The following IVNS1ABP variants were observed in gnomAD, a reference collection of about 807,000 sequenced individuals.
The protein encoded by IVNS1ABP is influenza virus NS1A binding protein, also known as influenza virus NS1A-binding protein.
Under a neutral mutation model 78.9 loss-of-function variants are expected in IVNS1ABP, and 25 were observed. The observed-to-expected ratio is 0.32, with a 90% confidence interval of 0.23 to 0.44. IVNS1ABP has a LOEUF of 0.44. Ranked by LOEUF, IVNS1ABP falls within the 20% of genes least tolerant of loss-of-function variation. IVNS1ABP has a pLI of 1.00. For missense variants in IVNS1ABP, 494 were observed against 768.9 expected, an observed-to-expected ratio of 0.64 and a Z score of 4.23; for synonymous variants, 241 against 259.7, an observed-to-expected ratio of 0.93 and a Z score of 0.69.
intron 2 of IVNS1ABP, among the ~76,000 whole-genome samples, chr1:185,310,025 C>T (rs1390317752): frequency 6.6e-6 from 1 of 152,096 alleles, no homozygotes. Context: ...TATATATAAT[C>T]AAGATTTATA....
rs747927595 is a variant in IVNS1ABP at position 185,299,858 on chromosome 1, C to T, written c.1527G>A (p.Glu509=). ...NIRRHQSAVC[E]LGGYLYIIGG... ...CGATTATGTACAAATAACCACCAAG[C>T]TCACAGACTGCAGACTGGTGTCTCC... is the stretch of plus-strand genomic sequence containing the variant. Residue 509 remains glutamate, a synonymous_variant, in exon 14 of 15, where the codon GAG becomes GAA. Coordinates refer to ENST00000367498, the MANE Select transcript of IVNS1ABP (RefSeq NM_006469.5). 7 of 1,613,676 alleles carry T rather than the reference C, an allele frequency of 4.3e-6. 1 individual carries two copies. Among genetic ancestry groups the T allele is most frequent in the South Asian group, 2.2e-5 (2 of 91,074 alleles).
At chr1:185,299,375 G>T in intron 14 of IVNS1ABP, 1 of 316,048 alleles carries the variant, frequency 3.2e-6, no homozygotes, top group Non-Finnish European at 6.0e-6. Flanking sequence ...TTGTTTTGCA[G>T]ATCAGATTCT....
chr1:185,298,377 T>C lies in IVNS1ABP; in HGVS notation c.1676-89A>G. ...AATCTGTCTTTTGCTTAAAAATCAGTGGTTTTAAAAATAGAAATGCCTGTT... is the reference window on the plus strand; with the variant it reads ...AATCTGTCTTTTGCTTAAAAATCAGCGGTTTTAAAAATAGAAATGCCTGTT... On this transcript the variant is annotated intron_variant, in intron 14 of 14. Transcript: ENST00000367498. The surrounding 1 kb of genome is among the most constrained non-coding windows in gnomAD (Gnocchi z 4.1). 2 of 1,244,400 alleles carry C rather than the reference T, an allele frequency of 1.6e-6. No homozygotes were observed. Among genetic ancestry groups the C allele is most frequent in the Non-Finnish European group, 1.1e-6 (1 of 897,928 alleles). 77.1% of individuals were successfully genotyped at this position (1,244,400 alleles called of 1,614,324 possible). A position where few individuals can be genotyped will look rare whatever the true frequency, so the allele number is the denominator to read the frequency against.
intron 2 of IVNS1ABP, among the ~76,000 whole-genome samples, chr1:185,310,719 G>A (rs914301369): frequency 2.6e-5 from 4 of 151,786 alleles, no homozygotes; most frequent in Non-Finnish European, 5.9e-5. Flanking sequence ...TACAAAAAAT[G>A]TAAAAATTAG....
chr1:185,305,862 A>G lies in IVNS1ABP; in HGVS notation c.658-219T>C. Reference sequence around the variant, plus strand: ...CCAAAATCAAATACAAAATCTTCCAATACTGGCTGAAGAGTCGTTGGCTTG... The same window carrying G: ...CCAAAATCAAATACAAAATCTTCCAGTACTGGCTGAAGAGTCGTTGGCTTG... On this transcript the variant is annotated intron_variant, in intron 7 of 14. Coordinates refer to ENST00000367498, the MANE Select transcript of IVNS1ABP (RefSeq NM_006469.5). This position sits in a 1 kb window ranked among gnomAD's most constrained non-coding sequence, Gnocchi z 4.0. The G allele has an allele frequency of 2.0e-6, 1 of 498,668 alleles. No homozygotes were observed. Among genetic ancestry groups the G allele is most frequent in the Non-Finnish European group, 3.6e-6 (1 of 280,276 alleles). The allele number at this position is 498,668 out of a possible 1,614,324, so 30.9% of individuals were successfully genotyped here. A position where few individuals can be genotyped will look rare whatever the true frequency, so the allele number is the denominator to read the frequency against.
At chr1:185,306,875 T>C in intron 7 of IVNS1ABP, 139 bp downstream of exon 7, 1 of 916,204 alleles carries the variant, frequency 1.1e-6, no homozygotes, top group Non-Finnish European at 1.6e-6. Flanking sequence ...ACCCCCCCTG[T>C]TTCTCAGCTT....
intron 1 of IVNS1ABP, among the ~76,000 whole-genome samples, chr1:185,312,294 T>A (rs940949385): frequency 6.6e-6 from 1 of 152,230 alleles, no homozygotes; most frequent in Admixed American, 6.5e-5. Flanking sequence ...CAAATTCTGA[T>A]GGTACTTATT....
At position 185,299,715 on chromosome 1, in the gene IVNS1ABP, A is replaced by G. The variant is rs1665517448; in HGVS notation, c.1670T>C (p.Leu557Pro). The G allele has an allele frequency of 2.5e-6, 4 of 1,613,652 alleles. No homozygotes were observed. Among genetic ancestry groups the G allele is most frequent in the Non-Finnish European group, 3.4e-6 (4 of 1,179,712 alleles). The change falls in exon 14 of 15, where the codon CTT (leucine) becomes CCT (proline). Residue 557 changes from leucine (L) to proline (P), a missense_variant. Coordinates refer to ENST00000367498, the MANE Select transcript of IVNS1ABP (RefSeq NM_006469.5). ...VARRGAGVAV[L>P]NGKLFVCGGF... ...CTCCAAATCCCAACACTCACCATTA[A>G]GAACAGCCACTCCAGCTCCTCGCCT...
At position 185,298,308 on chromosome 1, in the gene IVNS1ABP, G is replaced by C. The variant is rs368255203; in HGVS notation, c.1676-20C>G. The C allele has an allele frequency of 1.9e-5, 30 of 1,607,806 alleles. No homozygotes were observed. In the African/African-American group the frequency reaches 3.8e-4, roughly 20 times the overall value. ...GTTTTCCTAAAAGAGAAATGAGATG[G>C]GGTAAATCCAGAGATTAAAGTGTAA... On this transcript the variant is annotated intron_variant, in intron 14 of 14. Coordinates refer to ENST00000367498, the MANE Select transcript of IVNS1ABP (RefSeq NM_006469.5). The surrounding 1 kb of genome is among the most constrained non-coding windows in gnomAD (Gnocchi z 4.1).
At chr1:185,316,312 C>A (rs1666019739) in intron 1 of IVNS1ABP, among the ~76,000 whole-genome samples, 1 of 152,150 alleles carries the variant, frequency 6.6e-6, no homozygotes, top group Non-Finnish European at 1.5e-5. Context: ...CACGTCAGGG[C>A]AGCCGCTCCC....
At chr1:185,316,269 G>A (rs1472385963) in intron 1 of IVNS1ABP, among the ~76,000 whole-genome samples, 2 of 151,944 alleles carry the variant, frequency 1.3e-5, no homozygotes, top group Non-Finnish European at 2.9e-5. Flanking sequence ...CCCCCGCCCC[G>A]GATTGGCCAG....
At chr1:185,307,179 C>T in intron 6 of IVNS1ABP, 40 bp from the exon 7 acceptor site, 1 of 1,603,060 alleles carries the variant, frequency 6.2e-7, no homozygotes, top group Non-Finnish European at 8.5e-7. Flanking sequence ...CAGTGTTGGG[C>T]TCCTAGTTCT....
Position 185,301,175 on chromosome 1 carries a change from G to C in IVNS1ABP, c.917C>G (p.Ala306Gly). The C allele has an allele frequency of 6.2e-7, 1 of 1,613,138 alleles. No individual in the cohort carries two copies. Among genetic ancestry groups the C allele is most frequent in the Non-Finnish European group, 8.5e-7 (1 of 1,179,456 alleles). The change falls in exon 10 of 15, where the codon GCT (alanine) becomes GGT (glycine). Residue 306 changes from alanine (A) to glycine (G), a missense_variant. Transcript: ENST00000367498. ...KTSNNTYLCL[A>G]VLDGIFCVIF... ...GACACAGAATATACCATCCAGCACA[G>C]CCAGGCACAAGTAAGTGTTATCTGT...
rs1352762875 is a variant in IVNS1ABP, at chr1:185,305,007, T to G, written c.765+529A>C. Among the ~76,000 whole-genome samples, 1 of 152,220 alleles carries G rather than the reference T, an allele frequency of 6.6e-6. No homozygotes were observed. On this transcript the variant is annotated intron_variant, in intron 8 of 14. Transcript: ENST00000367498. This position sits in a 1 kb window ranked among gnomAD's most constrained non-coding sequence, Gnocchi z 4.0. ...CAATCAGCACAGTGGAACTCTACTA[T>G]ATTTTAATTCATCTTGGTTAAAGAA...
At chr1:185,309,939 A>C (rs886251355) in intron 2 of IVNS1ABP, among the ~76,000 whole-genome samples, 5 of 152,190 alleles carry the variant, frequency 3.3e-5, no homozygotes, top group Non-Finnish European at 7.3e-5. Context: ...CAAATGAGAA[A>C]AACTGTTACT....
At chr1:185,300,172 T>C (rs772659103) in intron 12 of IVNS1ABP, 42 bp from the exon 13 acceptor site, 1 of 1,604,392 alleles carries the variant, frequency 6.2e-7, no homozygotes, top group Admixed American at 1.7e-5. Flanking sequence ...ATAATTTAAT[T>C]ATCATATTTA....
rs1333118106 is a variant in IVNS1ABP at position 185,298,696 on chromosome 1, A to G, written c.1676-408T>C. The stretch of plus-strand genomic sequence containing the variant: ...TGTGCACTGGACTTTATATCAGCCC[A>G]ATGTACAGAATTAAGACTCAGAAGA... On this transcript the variant is annotated intron_variant, in intron 14 of 14. Coordinates refer to ENST00000367498, the MANE Select transcript of IVNS1ABP (RefSeq NM_006469.5). The surrounding 1 kb of genome is among the most constrained non-coding windows in gnomAD (Gnocchi z 4.1). 3.7e-5 allele frequency: 7 copies of G among 191,072 alleles called. No individual in the cohort carries two copies. In the Admixed American group the frequency reaches 3.7e-4, roughly 10 times the overall value. 11.8% of individuals were successfully genotyped at this position (191,072 alleles called of 1,614,324 possible).
chr1:185,309,617 AAAC>A (rs1225681579), intron 2 of IVNS1ABP, 106 bp from the exon 3 acceptor site: 8 of 642,426 alleles, frequency 1.2e-5, no homozygotes, highest in Non-Finnish European at 2.2e-5. Context: ...TCCATCCTAT[AAAC>A]AACACATAAA....
chr1:185,305,386 A>T lies in IVNS1ABP; in HGVS notation c.765+150T>A. The stretch of plus-strand genomic sequence containing the variant: ...TCATGTGGCAAAAATACTAACTCTA[A>T]GATATGCTTGTTTTCTCCCAAAAAT... On this transcript the variant is annotated intron_variant, in intron 8 of 14. Coordinates refer to ENST00000367498, the MANE Select transcript of IVNS1ABP (RefSeq NM_006469.5). This position sits in a 1 kb window ranked among gnomAD's most constrained non-coding sequence, Gnocchi z 4.0. 1 of 769,942 alleles carries T rather than the reference A, an allele frequency of 1.3e-6. No homozygotes were observed. The highest frequency in any genetic ancestry group is 2.9e-4 in the Middle Eastern group (1 of 3,392). 47.7% of individuals were successfully genotyped at this position (769,942 alleles called of 1,614,324 possible). A position where few individuals can be genotyped will look rare whatever the true frequency, so the allele number is the denominator to read the frequency against.
Sources: allele counts gnomAD v4.1 joint callset (sites outside exome capture counted in the v4.1 genomes callset), GRCh38; gene constraint gnomAD v4.1.1; non-coding constraint Gnocchi (gnomAD v3.1); transcripts MANE v1.5; gene names NCBI Gene and HGNC (gene_info 2026-07-23, HGNC 2026-07-21).